Variants in HHAT observed in about 807,000 individuals in gnomAD.
HHAT encodes protein-cysteine N-palmitoyltransferase HHAT.
HHAT carries 47 observed loss-of-function variants against 70.8 expected under a neutral mutation model. That is an observed-to-expected ratio of 0.66 (90% CI 0.53 to 0.85). The LOEUF (loss-of-function observed/expected upper bound fraction) is 0.85, where lower values mean the gene tolerates loss of function less well. Among genes scored for constraint, HHAT ranks in the 40% least tolerant of loss-of-function variants. The pLI is 0.00. For synonymous variants in HHAT, 228 were observed against 247.6 expected (o/e 0.92, Z 0.74); for missense variants, 609 against 604.8 (o/e 1.01, Z -0.07).
chr1:210,410,572 G>C (rs1415012042), intron 6 of HHAT, among the ~76,000 whole-genome samples: 1 of 131,542 alleles, frequency 7.6e-6, no homozygotes, highest in Non-Finnish European at 1.6e-5. Context: ...CTTCACCCAG[G>C]CTAGAGTGCA....
intron 11 of HHAT, among the ~76,000 whole-genome samples, chr1:210,632,735 C>T (rs535509125): frequency 8.2e-4 from 125 of 152,186 alleles, no homozygotes; most frequent in Non-Finnish European, 1.2e-3. Flanking sequence ...CGAGGACTTC[C>T]TCACTATCTG....
intron 9 of HHAT, among the ~76,000 whole-genome samples, chr1:210,526,692 C>G (rs1001214139): frequency 2.6e-5 from 4 of 151,666 alleles, no homozygotes; most frequent in Admixed American, 2.6e-4. Flanking sequence ...CAGATAAACT[C>G]TAAGGTCTCT....
intron 9 of HHAT, among the ~76,000 whole-genome samples, chr1:210,571,810 T>C (rs1396433993): frequency 6.6e-6 from 1 of 152,242 alleles, no homozygotes; most frequent in Non-Finnish European, 1.5e-5. Context: ...CTTTATTGCA[T>C]GAACAGAAGC....
At chr1:210,504,704 T>C (rs1440919660) in intron 8 of HHAT, among the ~76,000 whole-genome samples, 1 of 152,166 alleles carries the variant, frequency 6.6e-6, no homozygotes, top group African/African-American at 2.4e-5. Context: ...CATAAGAGCA[T>C]GTCATGTGGT....
intron 3 of HHAT, chr1:210,374,251 T>A (rs536545306): frequency 7.2e-6 from 1 of 138,348 alleles, no homozygotes; most frequent in South Asian, 2.2e-4. Flanking sequence ...TTATTCGATC[T>A]GAAGAGAAAC....
chr1:210,631,028 A>G (rs901006692), intron 11 of HHAT: 5 of 456,208 alleles, frequency 1.1e-5, no homozygotes, highest in African/African-American at 1.0e-4. Context: ...TACTCAATCC[A>G]TGTTGGGAGA....
intron 4 of HHAT, among the ~76,000 whole-genome samples, chr1:210,388,584 T>C (rs2091248168): frequency 6.6e-6 from 1 of 152,162 alleles, no homozygotes; most frequent in Non-Finnish European, 1.5e-5. Flanking sequence ...GCTGCTGAAC[T>C]GGCAAAATCC....
chr1:210,468,893 C>T lies in HHAT; in HGVS notation c.1007+4238C>T, dbSNP rs191185442. Among the ~76,000 whole-genome samples, 208 of 152,006 alleles carry T rather than the reference C, an allele frequency of 1.4e-3. 2 individuals are homozygous for T. The highest frequency in any genetic ancestry group is 0.013 in the South Asian group (60 of 4,798). On this transcript the variant is annotated intron_variant, in intron 8 of 11. Coordinates refer to ENST00000261458, the MANE Select transcript of HHAT (RefSeq NM_018194.6). The stretch of plus-strand genomic sequence containing the variant: ...TTTTGGCAGCAGTCTAGTGACTAAG[C>T]GCTGGCTACCTACTAGTTATGTGAC...
intron 10 of HHAT, among the ~76,000 whole-genome samples, chr1:210,614,018 CAAAAAAAAAAA>C (rs55874321): frequency 9.0e-6 from 1 of 111,602 alleles, no homozygotes; most frequent in Non-Finnish European, 1.8e-5. Context: ...GACCCTGCCT[CAAAAAAAAAAA>C]AAAAAAAAAA....
At chr1:210,464,466 T>G in intron 7 of HHAT, 39 bp from the exon 8 acceptor site, 1 of 1,612,952 alleles carries the variant, frequency 6.2e-7, no homozygotes, top group Non-Finnish European at 8.5e-7. Context: ...ACTGCTGTGA[T>G]TCTCTTCCAT....
At chr1:210,593,055 G>T (rs558980029) in intron 10 of HHAT, among the ~76,000 whole-genome samples, 1 of 152,122 alleles carries the variant, frequency 6.6e-6, no homozygotes, top group South Asian at 2.1e-4. Flanking sequence ...ACAGACATGG[G>T]TGTGTGATGT....
intron 3 of HHAT, among the ~76,000 whole-genome samples, chr1:210,374,851 G>A (rs953975469): frequency 1.3e-5 from 2 of 150,056 alleles, no homozygotes; most frequent in Non-Finnish European, 2.9e-5. Flanking sequence ...ATTGTGTGAC[G>A]CTGAGGTTGA....
intron 10 of HHAT, among the ~76,000 whole-genome samples, chr1:210,596,435 C>A (rs573733689): frequency 6.6e-4 from 101 of 152,158 alleles, no homozygotes; most frequent in Non-Finnish European, 1.3e-3. Context: ...CTTTCTTTAC[C>A]TCCCTTTTAA....
At chr1:210,428,774 T>G (rs2093154852) in intron 7 of HHAT, among the ~76,000 whole-genome samples, 1 of 151,702 alleles carries the variant, frequency 6.6e-6, no homozygotes, top group African/African-American at 2.4e-5. Flanking sequence ...TCCAGGAGTT[T>G]GAGACCAGCC....
At chr1:210,635,429 C>G (rs1330701816) in intron 11 of HHAT, among the ~76,000 whole-genome samples, 2 of 152,004 alleles carry the variant, frequency 1.3e-5, no homozygotes, top group Non-Finnish European at 2.9e-5. Flanking sequence ...AGGATTTTTG[C>G]AAGAGAGTGA....
At chr1:210,420,057 G>T (rs916695198) in intron 7 of HHAT, among the ~76,000 whole-genome samples, 5 of 152,278 alleles carry the variant, frequency 3.3e-5, no homozygotes, top group African/African-American at 9.6e-5. Context: ...TTCAGCTTAA[G>T]AACTAACCAG....
intron 8 of HHAT, among the ~76,000 whole-genome samples, chr1:210,472,268 A>G (rs979327919): frequency 1.3e-5 from 2 of 152,362 alleles, no homozygotes; most frequent in Admixed American, 6.5e-5. Flanking sequence ...TTTAATCTTT[A>G]CAAAACCCCT....
At chr1:210,584,054 G>A (rs149208536) in intron 9 of HHAT, among the ~76,000 whole-genome samples, 308 of 138,186 alleles carry the variant, frequency 2.2e-3, no homozygotes, top group African/African-American at 7.9e-3. Flanking sequence ...AGCAATTCCC[G>A]GGCTAAGCCT....
intron 8 of HHAT, among the ~76,000 whole-genome samples, chr1:210,472,195 T>C (rs571531188): frequency 5.9e-5 from 9 of 152,316 alleles, no homozygotes; most frequent in South Asian, 2.1e-4. Context: ...AAAAAAATCC[T>C]CCCACACGGC....
Sources: gnomAD v4.1 joint callset for allele counts (sites outside exome capture counted in the v4.1 genomes callset) on GRCh38, gnomAD v4.1.1 for gene constraint, MANE v1.5 for transcripts, NCBI Gene and HGNC (gene_info 2026-07-23, HGNC 2026-07-21) for gene names.